The following VPS41 variants were observed in gnomAD, a reference collection of about 807,000 sequenced individuals.
VPS41 encodes vacuolar protein sorting-associated protein 41 homolog.
A neutral mutation model predicts 130.9 loss-of-function variants in VPS41; 85 were observed. The ratio of observed to expected loss-of-function variants is 0.65; its 90% CI spans 0.55 to 0.78. VPS41 has a LOEUF of 0.78. VPS41 is among the 30% of genes least tolerant of loss of function. The pLI, the probability that VPS41 is intolerant of heterozygous loss-of-function variation, is 0.00. For synonymous variants in VPS41, 335 were observed against 332.9 expected (o/e 1.01, Z -0.07); for missense variants, 874 against 1,018.7 (o/e 0.86, Z 1.93).
intron 10 of VPS41, among the ~76,000 whole-genome samples, chr7:38,777,595 T>A (rs2115875191): frequency 6.6e-6 from 1 of 152,326 alleles, no homozygotes; most frequent in Admixed American, 6.5e-5. Flanking sequence ...GATACAGTAG[T>A]GGTATTACAG....
chr7:38,883,201 C>T (rs993614127), intron 2 of VPS41, among the ~76,000 whole-genome samples: 19 of 152,278 alleles, frequency 1.2e-4, no homozygotes, highest in Non-Finnish European at 2.8e-4. Flanking sequence ...CGAGATCGGC[C>T]GCTGCGCTCC....
intron 10 of VPS41, among the ~76,000 whole-genome samples, chr7:38,777,829 A>T (rs1283453513): frequency 6.6e-6 from 1 of 152,236 alleles, no homozygotes; most frequent in Non-Finnish European, 1.5e-5. Flanking sequence ...TTTGGGTTAT[A>T]ACTTCCACTA....
chr7:38,804,545 T>C (rs1200085561), intron 7 of VPS41, among the ~76,000 whole-genome samples: 1 of 152,194 alleles, frequency 6.6e-6, no homozygotes, highest in African/African-American at 2.4e-5. Context: ...AAACACTGTA[T>C]CAACATAAGG....
Position 38,761,243 on chromosome 7 carries a change from TTCTC to T in VPS41, c.1422+2208_1422+2211del, listed in dbSNP as rs55853941. Among the ~76,000 whole-genome samples, 97 of 123,414 alleles carry T rather than the reference TTCTC, an allele frequency of 7.9e-4. 1 individual carries two copies. The highest frequency in any genetic ancestry group is 2.7e-3 in the African/African-American group (89 of 33,488). 81.0% of individuals were successfully genotyped at this position (123,414 alleles called of 152,430 possible). A position where few individuals can be genotyped will look rare whatever the true frequency, so the allele number is the denominator to read the frequency against. On this transcript the variant is annotated intron_variant, in intron 17 of 28. Transcript: ENST00000310301. ...TCTCTCTCTCCCTCTTTCTTTGTTTTTCTCTCTCTCTCTTCCTCTCTTTTTTTTT... is the reference window on the plus strand; with the variant it reads ...TCTCTCTCTCCCTCTTTCTTTGTTTTTCTCTCTCTTCCTCTCTTTTTTTTT...
At chr7:38,795,389 A>C in intron 9 of VPS41, 76 bp downstream of exon 9, 11 of 1,333,050 alleles carry the variant, frequency 8.3e-6, no homozygotes, top group Non-Finnish European at 1.1e-5. Context: ...GAAGCCAATC[A>C]AGACTCACAG....
At chr7:38,825,419 T>C (rs1785251727) in intron 5 of VPS41, among the ~76,000 whole-genome samples, 1 of 152,152 alleles carries the variant, frequency 6.6e-6, no homozygotes, top group African/African-American at 2.4e-5. Flanking sequence ...CTAAAGATAA[T>C]AAAATCCAAA....
At chr7:38,768,208 T>C (rs775973945) in intron 14 of VPS41, among the ~76,000 whole-genome samples, 11 of 152,160 alleles carry the variant, frequency 7.2e-5, no homozygotes, top group Non-Finnish European at 1.6e-4. Context: ...CTGAAAGGAT[T>C]TGGGGTGGCC....
chr7:38,758,587 T>A (rs1404944443), intron 17 of VPS41, 106 bp from the exon 18 acceptor site: 4 of 1,129,610 alleles, frequency 3.5e-6, no homozygotes, highest in South Asian at 1.6e-5. Context: ...GGCATATAAC[T>A]CTCAAAATCC....
chr7:38,834,106 TAA>T (rs58118786), intron 4 of VPS41, among the ~76,000 whole-genome samples: 6,538 of 147,956 alleles, frequency 0.044, 185 homozygotes, highest in Middle Eastern at 0.1. Context: ...TCATGGTATT[TAA>T]AAAAAAAAAA....
chr7:38,772,222 C>T lies in VPS41; in HGVS notation c.1128+300G>A, dbSNP rs144112648. 5.7e-4 allele frequency among the ~76,000 whole-genome samples: 86 copies of T among 152,100 alleles called. 1 individual carries two copies. The East Asian group carries it at 0.011, about 20-fold the overall frequency. ...AATCTAAATAGACACTTCTGAAATA[C>T]TATCTCTAATTTCTTTGAACAAAAT... is the stretch of plus-strand genomic sequence containing the variant. On this transcript the variant is annotated intron_variant, in intron 13 of 28. Transcript: ENST00000310301.
chr7:38,802,122 T>C (rs986505950), intron 7 of VPS41, among the ~76,000 whole-genome samples: 1 of 152,332 alleles, frequency 6.6e-6, no homozygotes. Flanking sequence ...TGCCAAAAAT[T>C]TGAAAGCTGC....
At chr7:38,886,740 T>C (rs1204393430) in intron 2 of VPS41, among the ~76,000 whole-genome samples, 1 of 152,144 alleles carries the variant, frequency 6.6e-6, no homozygotes, top group Non-Finnish European at 1.5e-5. Flanking sequence ...GACCCCTGGG[T>C]AGCCTGACTG....
intron 25 of VPS41, among the ~76,000 whole-genome samples, chr7:38,730,730 T>C (rs551750656): frequency 4.6e-5 from 7 of 152,188 alleles, no homozygotes; most frequent in African/African-American, 1.7e-4. Context: ...CTGCTTAGCC[T>C]CCAAGACAAA....
At chr7:38,814,955 C>T (rs1007708991) in intron 7 of VPS41, among the ~76,000 whole-genome samples, 2 of 152,150 alleles carry the variant, frequency 1.3e-5, no homozygotes, top group East Asian at 3.9e-4. Flanking sequence ...CTTCCAGCCC[C>T]GGTCAAGCAG....
At chr7:38,845,602 C>G (rs993143385) in intron 4 of VPS41, among the ~76,000 whole-genome samples, 1 of 152,188 alleles carries the variant, frequency 6.6e-6, no homozygotes, top group African/African-American at 2.4e-5. Context: ...GTGGTCTCCC[C>G]AAGATGTCTT....
intron 9 of VPS41, 71 bp from the exon 10 acceptor site, chr7:38,789,938 T>A: frequency 4.0e-6 from 6 of 1,514,886 alleles, no homozygotes; most frequent in Non-Finnish European, 5.5e-6. Flanking sequence ...ATTCAGTATA[T>A]GGTATCTTTG....
At chr7:38,863,427 C>T (rs1786162756) in intron 3 of VPS41, among the ~76,000 whole-genome samples, 1 of 152,110 alleles carries the variant, frequency 6.6e-6, no homozygotes, top group Non-Finnish European at 1.5e-5. Flanking sequence ...TTCATTGCAA[C>T]CCATAATGAA....
chr7:38,902,007 G>A (rs997148623), intron 1 of VPS41, among the ~76,000 whole-genome samples: 3 of 152,212 alleles, frequency 2.0e-5, no homozygotes, highest in Admixed American at 6.5e-5. Flanking sequence ...GTCTATCTGA[G>A]CCAATTCTGG....
At chr7:38,826,119 CAG>C (rs1032607319) in intron 5 of VPS41, among the ~76,000 whole-genome samples, 30 of 152,108 alleles carry the variant, frequency 2.0e-4, no homozygotes, top group African/African-American at 7.2e-4. Context: ...TAACAGAGAC[CAG>C]AGAGTGATGA....
Sources: allele counts gnomAD v4.1 joint callset (sites outside exome capture counted in the v4.1 genomes callset), GRCh38; gene constraint gnomAD v4.1.1; transcripts MANE v1.5; gene names NCBI Gene and HGNC (gene_info 2026-07-23, HGNC 2026-07-21).